SEL1L3: variants seen among roughly 807,000 people sequenced by gnomAD.
SEL1L3 encodes SEL1L family member 3.
Under a neutral mutation model 142.8 loss-of-function variants are expected in SEL1L3, and 76 were observed. The observed-to-expected ratio is 0.53, with a 90% confidence interval of 0.44 to 0.64. SEL1L3 has a LOEUF of 0.64. Ranked by LOEUF, SEL1L3 falls within the 30% of genes least tolerant of loss-of-function variation. SEL1L3 has a pLI of 0.00. For synonymous variants in SEL1L3, 504 were observed against 519.6 expected (o/e 0.97, Z 0.41); for missense variants, 1,262 against 1,381.7 (o/e 0.91, Z 1.37).
chr4:25,760,129 T>G (rs946776151), intron 20 of SEL1L3, among the ~76,000 whole-genome samples: 3 of 152,170 alleles, frequency 2.0e-5, no homozygotes, highest in Non-Finnish European at 4.4e-5. Flanking sequence ...TATGTGCCCA[T>G]GTGTTCTCAT....
At chr4:25,829,340 C>A (rs1442099730) in intron 6 of SEL1L3, among the ~76,000 whole-genome samples, 1 of 152,210 alleles carries the variant, frequency 6.6e-6, no homozygotes. Flanking sequence ...TCCTAATAAA[C>A]TCATTGTAAG....
Position 25,805,190 on chromosome 4 carries a change from T to G in SEL1L3, c.1565-438A>C, listed in dbSNP as rs138575427. Among the ~76,000 whole-genome samples the G allele has an allele frequency of 6.3e-3, 957 of 152,338 alleles. 6 individuals carry two copies. Among genetic ancestry groups the G allele is most frequent in the Non-Finnish European group, 0.011 (744 of 68,024 alleles). ...CAAAAGAACCTTAGTTTTAGATGCT[T>G]TCTAGACATCTTTTGTCCCCAGTTT... On this transcript the variant is annotated intron_variant, in intron 9 of 23. Coordinates refer to ENST00000399878, the MANE Select transcript of SEL1L3 (RefSeq NM_015187.5).
rs762237812 is a variant in SEL1L3 at position 25,804,528 on chromosome 4, T to C, written c.1776+13A>G. ...CAAGTGACTGATGTTAATGGAGCAA[T>C]GAAATACTCTACCTGCAGCTGATCC... On this transcript the variant is annotated intron_variant, in intron 10 of 23. Coordinates refer to ENST00000399878, the MANE Select transcript of SEL1L3 (RefSeq NM_015187.5). 2 of 1,581,902 alleles carry C rather than the reference T, an allele frequency of 1.3e-6. No homozygotes were observed. The highest frequency in any genetic ancestry group is 2.2e-5 in the East Asian group (1 of 44,592).
chr4:25,756,521 G>C (rs1233609492), intron 23 of SEL1L3: 4 of 976,068 alleles, frequency 4.1e-6, no homozygotes, highest in Non-Finnish European at 3.7e-6. Flanking sequence ...TATGTTCCTA[G>C]GAAGTAGCTA....
At chr4:25,785,713 G>T (rs1199262456) in intron 13 of SEL1L3, among the ~76,000 whole-genome samples, 2 of 152,216 alleles carry the variant, frequency 1.3e-5, no homozygotes, top group African/African-American at 2.4e-5. Flanking sequence ...GACACTTGGA[G>T]TAACTGGAGA....
chr4:25,779,117 G>A lies in SEL1L3; in HGVS notation c.2544C>T (p.Gly848=). 6.2e-7 allele frequency: 1 copy of A among 1,613,530 alleles called. No individual in the cohort carries two copies. Among genetic ancestry groups the A allele is most frequent in the Non-Finnish European group, 8.5e-7 (1 of 1,179,564 alleles). ...GATCTCTAGGGAATGTCTCCAGGTT[G>A]CCTGTGATATAGTAGAGAGAACACC... ...TLWCSLYYIT[G]NLETFPRDPE... The change falls in exon 16 of 24, where the codon GGC becomes GGT. Residue 848 remains glycine, a synonymous_variant. Coordinates refer to ENST00000399878, the MANE Select transcript of SEL1L3 (RefSeq NM_015187.5).
intron 23 of SEL1L3, among the ~76,000 whole-genome samples, chr4:25,754,170 C>T (rs1192974203): frequency 7.3e-5 from 11 of 151,082 alleles, no homozygotes; most frequent in South Asian, 2.1e-4. Flanking sequence ...GGCGTGGTGG[C>T]GCATGCCTGT....
chr4:25,818,604 C>T (rs1156848927), intron 8 of SEL1L3, among the ~76,000 whole-genome samples: 1 of 152,148 alleles, frequency 6.6e-6, no homozygotes, highest in Non-Finnish European at 1.5e-5. Flanking sequence ...CAAAGACCCT[C>T]AGGGAGGCAA....
chr4:25,860,128 G>A (rs1367862017), intron 1 of SEL1L3, among the ~76,000 whole-genome samples: 2 of 152,222 alleles, frequency 1.3e-5, no homozygotes, highest in African/African-American at 4.8e-5. Context: ...TCTAAATGGA[G>A]ATTATAGTAG....
the SEL1L3 span, among the ~76,000 whole-genome samples, chr4:25,721,795 A>G: frequency 6.6e-6 from 1 of 152,130 alleles, no homozygotes; most frequent in African/African-American, 2.4e-5. Context: ...TGGGAAGCCT[A>G]CACTTCTCTG....
intron 19 of SEL1L3, among the ~76,000 whole-genome samples, chr4:25,767,299 A>C (rs1361266581): frequency 6.6e-6 from 1 of 152,096 alleles, no homozygotes; most frequent in Non-Finnish European, 1.5e-5. Flanking sequence ...TAAAAATCAA[A>C]AAATAAGAAA....
chr4:25,730,675 G>A, the SEL1L3 span, among the ~76,000 whole-genome samples: 1 of 152,092 alleles, frequency 6.6e-6, no homozygotes, highest in African/African-American at 2.4e-5. Flanking sequence ...TTGCTTCTGA[G>A]CACTTTCACC....
chr4:25,757,916 C>T (rs1157370958), intron 21 of SEL1L3, 126 bp from the exon 22 acceptor site: 10 of 670,096 alleles, frequency 1.5e-5, no homozygotes, highest in Non-Finnish European at 8.0e-6. Context: ...ACTCAACTGA[C>T]AAAGATGAGA....
rs899185321 is a variant in SEL1L3 at position 25,833,202 on chromosome 4, C to T, written c.983-92G>A. 4 of 796,898 alleles carry T rather than the reference C, an allele frequency of 5.0e-6. No individual in the cohort carries two copies. The African/African-American group carries it at 6.9e-5, about 14-fold the overall frequency. The allele number at this position is 796,898 out of a possible 1,614,324, so 49.4% of individuals were successfully genotyped here. The stretch of plus-strand genomic sequence containing the variant: ...CCTTTTCAACAATTGTCCTAAGAAG[C>T]TACAATACTCCACGAAAACAAAGCA... On this transcript the variant is annotated intron_variant, in intron 4 of 23. Coordinates refer to ENST00000399878, the MANE Select transcript of SEL1L3 (RefSeq NM_015187.5).
At chr4:25,733,810 G>C in the SEL1L3 span, among the ~76,000 whole-genome samples, 2 of 151,994 alleles carry the variant, frequency 1.3e-5, no homozygotes, top group Admixed American at 6.6e-5. Flanking sequence ...CCACCGCGTC[G>C]GGCCAGTTTG....
chr4:25,765,454 A>T lies in SEL1L3; in HGVS notation c.2846-19T>A. 1 of 1,520,506 alleles carries T rather than the reference A, an allele frequency of 6.6e-7. No homozygotes were observed. The highest frequency in any genetic ancestry group is 9.1e-7 in the Non-Finnish European group (1 of 1,096,056). 94.2% of individuals were successfully genotyped at this position (1,520,506 alleles called of 1,614,324 possible). On this transcript the variant is annotated intron_variant, in intron 19 of 23. Coordinates refer to ENST00000399878, the MANE Select transcript of SEL1L3 (RefSeq NM_015187.5). Reference sequence around the variant, plus strand: ...AAATATGCTGCAGGAAATAAAGCACAGATCCATTTGTCAAGTGGTTTTTTT... The same window carrying T: ...AAATATGCTGCAGGAAATAAAGCACTGATCCATTTGTCAAGTGGTTTTTTT...
At chr4:25,801,224 G>A (rs1198444534) in intron 11 of SEL1L3, among the ~76,000 whole-genome samples, 8 of 152,180 alleles carry the variant, frequency 5.3e-5, no homozygotes, top group Non-Finnish European at 7.3e-5. Flanking sequence ...CCAACATGGC[G>A]AAACCCTGTC....
At chr4:25,787,547 T>C (rs1711937649) in intron 13 of SEL1L3, among the ~76,000 whole-genome samples, 1 of 152,240 alleles carries the variant, frequency 6.6e-6, no homozygotes, top group Admixed American at 6.5e-5. Flanking sequence ...CTTGAACTCC[T>C]GACCTTAGGT....
chr4:25,794,003 A>T (rs1432638524), intron 11 of SEL1L3, among the ~76,000 whole-genome samples: 1 of 152,244 alleles, frequency 6.6e-6, no homozygotes, highest in Non-Finnish European at 1.5e-5. Context: ...CCCCTTCCTT[A>T]TATGTTATAC....
Sources: gnomAD v4.1 joint callset for allele counts (sites outside exome capture counted in the v4.1 genomes callset) on GRCh38, gnomAD v4.1.1 for gene constraint, MANE v1.5 for transcripts, NCBI Gene and HGNC (gene_info 2026-07-23, HGNC 2026-07-21) for gene names.